The following ARHGAP40 variants were observed in gnomAD, a reference collection of about 807,000 sequenced individuals.
ARHGAP40 encodes Rho GTPase activating protein 40.
ARHGAP40 carries 43 observed loss-of-function variants against 73.5 expected under a neutral mutation model. The ratio of observed to expected loss-of-function variants is 0.58; its 90% CI spans 0.46 to 0.75. The LOEUF (loss-of-function observed/expected upper bound fraction) is 0.75. Among genes scored for constraint, ARHGAP40 ranks in the 30% least tolerant of loss-of-function variants. ARHGAP40 has a pLI of 0.00. For missense variants in ARHGAP40, 734 were observed against 861.8 expected (o/e 0.85, Z 1.86); for synonymous variants, 300 against 352.8 (o/e 0.85, Z 1.68).
At chr20:38,645,816 C>T (rs1480959235) in intron 11 of ARHGAP40, among the ~76,000 whole-genome samples, 1 of 152,168 alleles carries the variant, frequency 6.6e-6, no homozygotes, top group African/African-American at 2.4e-5. Context: ...CACTAAGCCT[C>T]AGGGTGGGCT....
chr20:38,608,786 A>T (rs2088787893), intron 1 of ARHGAP40, among the ~76,000 whole-genome samples: 1 of 152,194 alleles, frequency 6.6e-6, no homozygotes, highest in Non-Finnish European at 1.5e-5. Context: ...CAGAAGTCCA[A>T]AATGGGTCTT....
intron 1 of ARHGAP40, among the ~76,000 whole-genome samples, chr20:38,610,883 C>CTT (rs60110231): frequency 1.1e-3 from 159 of 138,990 alleles, no homozygotes; most frequent in Middle Eastern, 7.9e-3. Flanking sequence ...GATGTCTTTT[C>CTT]TTTTTTTTTT....
At chr20:38,627,860 A>G (rs1459212015) in intron 3 of ARHGAP40, among the ~76,000 whole-genome samples, 1 of 152,118 alleles carries the variant, frequency 6.6e-6, no homozygotes, top group African/African-American at 2.4e-5. Flanking sequence ...GGTTCTTTCT[A>G]TATAATTGTT....
In ARHGAP40 at chr20:38,646,734, CAGGCATAGAAACACAAACAT is replaced by C. The variant is rs1443749787; in HGVS notation, c.1711-203_1711-184del. ...TGCTGTGTGTACAAGTGCACCGACA[CAGGCATAGAAACACAAACAT>C]AGGCATAGAAACACAAACACACATC... On this transcript the variant is annotated intron_variant, in intron 12 of 14. Transcript: ENST00000373345. The surrounding 1 kb of genome is among the most constrained non-coding windows in gnomAD (Gnocchi z 4.5). 2.6e-5 allele frequency among the ~76,000 whole-genome samples: 4 copies of C among 152,146 alleles called. No individual in the cohort carries two copies. The highest frequency in any genetic ancestry group is 6.5e-5 in the Admixed American group (1 of 15,278).
chr20:38,607,594 A>G (rs2088778835), intron 1 of ARHGAP40, among the ~76,000 whole-genome samples: 1 of 152,178 alleles, frequency 6.6e-6, no homozygotes, highest in Non-Finnish European at 1.5e-5. Flanking sequence ...TACACCAAGC[A>G]GTTAGGCTGC....
intron 1 of ARHGAP40, 76 bp downstream of exon 1, chr20:38,602,155 A>G: frequency 8.3e-7 from 1 of 1,201,378 alleles, no homozygotes; most frequent in Non-Finnish European, 1.1e-6. Context: ...TCTTCACAAC[A>G]TCCCTGTGAG....
intron 2 of ARHGAP40, among the ~76,000 whole-genome samples, chr20:38,624,746 G>A (rs1433148310): frequency 2.6e-5 from 4 of 152,092 alleles, no homozygotes; most frequent in African/African-American, 9.7e-5. Context: ...TACCTCCTCA[G>A]AGAGGTCTTC....
chr20:38,638,866 G>A, intron 8 of ARHGAP40, 28 bp downstream of exon 8: 2 of 1,301,204 alleles, frequency 1.5e-6, no homozygotes, highest in Non-Finnish European at 2.0e-6. Context: ...TGGCTTCACT[G>A]AGGCTGCATC....
At chr20:38,603,693 C>T (rs1486688852) in intron 1 of ARHGAP40, among the ~76,000 whole-genome samples, 1 of 152,212 alleles carries the variant, frequency 6.6e-6, no homozygotes, top group Non-Finnish European at 1.5e-5. Context: ...TCTGACAGTT[C>T]TGAATGCTGG....
intron 9 of ARHGAP40, among the ~76,000 whole-genome samples, chr20:38,640,959 C>T (rs1286686160): frequency 6.6e-6 from 1 of 152,170 alleles, no homozygotes; most frequent in African/African-American, 2.4e-5. Context: ...ATGTAAGCTC[C>T]ATGAGCCTGT....
At chr20:38,615,784 C>T (rs931286296) in intron 1 of ARHGAP40, among the ~76,000 whole-genome samples, 8 of 152,138 alleles carry the variant, frequency 5.3e-5, no homozygotes, top group South Asian at 4.1e-4. Context: ...TGTGCGATAG[C>T]GTGCTGTCCC....
chr20:38,639,118 C>A, intron 8 of ARHGAP40, 109 bp from the exon 9 acceptor site: 1 of 1,153,540 alleles, frequency 8.7e-7, no homozygotes, highest in Non-Finnish European at 1.2e-6. Context: ...GGGAGGTGCT[C>A]TTGTTGTCCC....
chr20:38,646,510 G>A lies in ARHGAP40; in HGVS notation c.1710+323G>A, dbSNP rs1047544649. Among the ~76,000 whole-genome samples, 1 of 152,212 alleles carries A rather than the reference G, an allele frequency of 6.6e-6. No homozygotes were observed. The highest frequency in any genetic ancestry group is 6.5e-5 in the Admixed American group (1 of 15,286). The stretch of plus-strand genomic sequence containing the variant: ...CTCTGCGGGGTGTGAGGTGATTGGG[G>A]CTGGGTGGGGGATAGTAGAAGGGAA... On this transcript the variant is annotated intron_variant, in intron 12 of 14. Transcript: ENST00000373345. This position sits in a 1 kb window ranked among gnomAD's most constrained non-coding sequence, Gnocchi z 4.5.
chr20:38,649,010 C>G (rs2089071558), intron 14 of ARHGAP40, among the ~76,000 whole-genome samples: 1 of 152,220 alleles, frequency 6.6e-6, no homozygotes, highest in African/African-American at 2.4e-5. Context: ...CTCTGGGACA[C>G]CCTAGCTGGG....
At chr20:38,623,399 A>G in exon 2 of ARHGAP40, 1 of 1,290,876 alleles carries the variant, frequency 7.7e-7, no homozygotes, top group Non-Finnish European at 1.0e-6. Flanking sequence ...GCTTCCCCAG[A>G]AGAATCTCCT....
intron 1 of ARHGAP40, among the ~76,000 whole-genome samples, chr20:38,608,300 C>T (rs901209689): frequency 2.6e-5 from 4 of 152,238 alleles, no homozygotes; most frequent in Non-Finnish European, 5.9e-5. Context: ...CCCAGACATT[C>T]ACTGACTTGT....
chr20:38,646,108 A>G lies in ARHGAP40; in HGVS notation c.1631A>G (p.Gln544Arg). 1 of 1,304,216 alleles carries G rather than the reference A, an allele frequency of 7.7e-7. No homozygotes were observed. The allele number at this position is 1,304,216 out of a possible 1,614,324, so 80.8% of individuals were successfully genotyped here. Residue 544 changes from glutamine to arginine, a missense_variant, in exon 12 of 15, where the codon CAG (glutamine) becomes CGG (arginine). Coordinates refer to ENST00000373345, the Ensembl canonical transcript of ARHGAP40. This position sits in a 1 kb window ranked among gnomAD's most constrained non-coding sequence, Gnocchi z 4.5. ...AACGACAGTAGCAGCAGGCGCCCCC[A>G]GCTCTGCGACGCAGGCCTCAAGACT...
chr20:38,639,613 G>A (rs1000926502), intron 9 of ARHGAP40, among the ~76,000 whole-genome samples: 2 of 152,272 alleles, frequency 1.3e-5, no homozygotes, highest in Non-Finnish European at 2.9e-5. Flanking sequence ...GTGTGCAGGT[G>A]TGTGAGGAGA....
intron 2 of ARHGAP40, among the ~76,000 whole-genome samples, chr20:38,624,228 G>T (rs1016059819): frequency 4.6e-5 from 7 of 152,054 alleles, no homozygotes; most frequent in East Asian, 1.9e-4. Context: ...GGCCTCATCT[G>T]GGATTATCAT....
Sources: allele counts gnomAD v4.1 joint callset (sites outside exome capture counted in the v4.1 genomes callset), GRCh38; gene constraint gnomAD v4.1.1; non-coding constraint Gnocchi (gnomAD v3.1); transcripts MANE v1.5; gene names NCBI Gene and HGNC (gene_info 2026-07-23, HGNC 2026-07-21).